NECAB1: variants seen among roughly 807,000 people sequenced by gnomAD.
NECAB1 encodes the protein N-terminal EF-hand calcium-binding protein 1.
NECAB1 carries 29 observed loss-of-function variants against 57.5 expected under a neutral mutation model. The observed-to-expected ratio is 0.50, with a 90% CI of 0.38 to 0.69. NECAB1 has a LOEUF of 0.69. NECAB1 is among the 30% of genes least tolerant of loss of function. NECAB1 has a pLI of 0.00. For synonymous variants in NECAB1, 142 were observed against 147.7 expected, an observed-to-expected ratio of 0.96 and a Z score of 0.28; for missense variants, 372 against 413.8, an observed-to-expected ratio of 0.90 and a Z score of 0.88.
In NECAB1 at chr8:90,896,814, C is replaced by T. The variant is rs147468574; in HGVS notation, c.357+15684C>T. 4.7e-3 allele frequency among the ~76,000 whole-genome samples: 719 copies of T among 152,242 alleles called. 10 individuals are homozygous for T. Among genetic ancestry groups the T allele is most frequent in the African/African-American group, 0.016 (681 of 41,550 alleles). On this transcript the variant is annotated intron_variant, in intron 5 of 12. Coordinates refer to ENST00000417640, the MANE Select transcript of NECAB1 (RefSeq NM_022351.5). ...CACTCTAACTCATTCGGATCACCTG[C>T]TCCACCCTAACTCATTCTGATTACC...
intron 9 of NECAB1, among the ~76,000 whole-genome samples, chr8:90,936,237 A>C (rs1012314304): frequency 6.6e-6 from 1 of 152,158 alleles, no homozygotes; most frequent in East Asian, 1.9e-4. Context: ...GAATTTATTG[A>C]GTAGAGAGGT....
At chr8:90,874,723 C>G (rs545881758) in intron 4 of NECAB1, among the ~76,000 whole-genome samples, 78 of 152,192 alleles carry the variant, frequency 5.1e-4, no homozygotes, top group African/African-American at 1.8e-3. Context: ...AATGGATTTT[C>G]AATTTGAATC....
chr8:90,836,423 G>A (rs1812371696), intron 3 of NECAB1, among the ~76,000 whole-genome samples: 2 of 152,142 alleles, frequency 1.3e-5, no homozygotes, highest in African/African-American at 4.8e-5. Flanking sequence ...TCACTAATGG[G>A]TTTAATAGTT....
intron 5 of NECAB1, among the ~76,000 whole-genome samples, chr8:90,898,818 T>C (rs1460513178): frequency 6.6e-6 from 1 of 152,244 alleles, no homozygotes; most frequent in African/African-American, 2.4e-5. Context: ...CACAATCTAC[T>C]TTCCTCAGCT....
intron 5 of NECAB1, among the ~76,000 whole-genome samples, chr8:90,914,543 C>A (rs1563531647): frequency 6.6e-6 from 1 of 152,132 alleles, no homozygotes; most frequent in Non-Finnish European, 1.5e-5. Context: ...CCACCCACCA[C>A]CCCTCTCAAT....
intron 5 of NECAB1, among the ~76,000 whole-genome samples, chr8:90,897,864 A>G (rs1383675280): frequency 6.6e-6 from 1 of 152,216 alleles, no homozygotes; most frequent in African/African-American, 2.4e-5. Flanking sequence ...TTAATTTACT[A>G]AAAGAAATCA....
chr8:90,864,128 C>T (rs1014401783), intron 3 of NECAB1, among the ~76,000 whole-genome samples: 3 of 151,500 alleles, frequency 2.0e-5, no homozygotes, highest in African/African-American at 4.8e-5. Context: ...TTATACTTTT[C>T]GAAAAAATGT....
rs1554575432 is a variant in NECAB1, at chr8:90,917,870, A to ATATATATATGTG, written c.494+243_494+244insATATATATGTGT. Among the ~76,000 whole-genome samples, 418 of 64,236 alleles carry ATATATATATGTG rather than the reference A, an allele frequency of 6.5e-3. 9 individuals are homozygous for ATATATATATGTG. Among genetic ancestry groups the ATATATATATGTG allele is most frequent in the African/African-American group, 0.029 (278 of 9,506 alleles). The allele number at this position is 64,236 out of a possible 152,430, so 42.1% of individuals were successfully genotyped here. A position where few individuals can be genotyped will look rare whatever the true frequency, so the allele number is the denominator to read the frequency against. On this transcript the variant is annotated intron_variant, in intron 6 of 12. Coordinates refer to ENST00000417640, the MANE Select transcript of NECAB1 (RefSeq NM_022351.5). Reference sequence around the variant, plus strand: ...TATATATATATATATATATATATATATGTGTGTGTGTGCGTGTATATATAT... The same window carrying ATATATATATGTG: ...TATATATATATATATATATATATATATATATATATGTGTGTGTGTGTGTGCGTGTATATATAT...
rs1162990061 is a variant in NECAB1 at position 90,957,875 on chromosome 8, A to G, written c.*2363A>G. 6.6e-6 allele frequency: 1 copy of G among 151,132 alleles called. No individual in the cohort carries two copies. The highest frequency in any genetic ancestry group is 2.4e-5 in the African/African-American group (1 of 41,372). 9.4% of individuals were successfully genotyped at this position (151,132 alleles called of 1,614,324 possible). A position where few individuals can be genotyped will look rare whatever the true frequency, so the allele number is the denominator to read the frequency against. On this transcript the variant is annotated 3_prime_UTR_variant, in exon 13 of 13. Coordinates refer to ENST00000417640, the MANE Select transcript of NECAB1 (RefSeq NM_022351.5). ...TAAAAAATAAAAAAAAGAGGTCACT[A>G]AAAGACCAAGATGGGAAACGTAACA...
At chr8:90,883,541 T>C (rs1292059899) in intron 5 of NECAB1, among the ~76,000 whole-genome samples, 1 of 152,210 alleles carries the variant, frequency 6.6e-6, no homozygotes, top group African/African-American at 2.4e-5. Context: ...TGGCAGTACC[T>C]CTGTTTGCAG....
In NECAB1 at chr8:90,959,260, C is replaced by T. The variant is rs186806366; in HGVS notation, c.*3748C>T. 1.3e-3 allele frequency: 335 copies of T among 259,820 alleles called. No homozygotes were observed. Among genetic ancestry groups the T allele is most frequent in the Non-Finnish European group, 2.1e-3 (288 of 138,642 alleles). The allele number at this position is 259,820 out of a possible 1,614,324, so 16.1% of individuals were successfully genotyped here. On this transcript the variant is annotated 3_prime_UTR_variant, in exon 13 of 13. Transcript: ENST00000417640. Reference sequence around the variant, plus strand: ...TAAATTGTATTCCAAACCTGTTCTTCTGTTTCTGTGGCACCTAGGTTTAAA... The same window carrying T: ...TAAATTGTATTCCAAACCTGTTCTTTTGTTTCTGTGGCACCTAGGTTTAAA...
intron 5 of NECAB1, among the ~76,000 whole-genome samples, chr8:90,894,615 A>G (rs1809277916): frequency 6.6e-6 from 1 of 152,220 alleles, no homozygotes; most frequent in South Asian, 2.1e-4. Flanking sequence ...CATAATAGTC[A>G]TGGGACTAGT....
chr8:90,955,234 A>G (rs1473368945), intron 12 of NECAB1, among the ~76,000 whole-genome samples: 2 of 148,982 alleles, frequency 1.3e-5, no homozygotes, highest in Non-Finnish European at 3.0e-5. Context: ...ACTTGTTGCC[A>G]AAACAAGTTC....
Position 90,925,618 on chromosome 8 carries a change from T to A in NECAB1, c.578T>A (p.Phe193Tyr), listed in dbSNP as rs1177643050. The A allele has an allele frequency of 6.2e-7, 1 of 1,613,828 alleles. No homozygotes were observed. The highest frequency in any genetic ancestry group is 8.5e-7 in the Non-Finnish European group (1 of 1,179,838). The stretch of plus-strand genomic sequence containing the variant: ...CGCCGAGTCCAGAGACACAACAGCT[T>A]CTCCCCAAACAGCCCTCAGTTTAAT... ...SSRRVQRHNS[F>Y]SPNSPQFNVS... The change falls in exon 7 of 13, where the codon TTC (phenylalanine) becomes TAC (tyrosine). Residue 193 changes from phenylalanine to tyrosine, a missense_variant. Coordinates refer to ENST00000417640, the MANE Select transcript of NECAB1 (RefSeq NM_022351.5).
At chr8:90,922,132 G>A (rs1761755262) in intron 6 of NECAB1, among the ~76,000 whole-genome samples, 1 of 152,216 alleles carries the variant, frequency 6.6e-6, no homozygotes, top group African/African-American at 2.4e-5. Flanking sequence ...ATGTTATATG[G>A]AAGTTTCCCC....
At chr8:90,915,868 C>G (rs1039317706) in intron 5 of NECAB1, among the ~76,000 whole-genome samples, 1 of 152,200 alleles carries the variant, frequency 6.6e-6, no homozygotes, top group Non-Finnish European at 1.5e-5. Flanking sequence ...TATTTGAGGG[C>G]AGAAAGCATC....
At chr8:90,916,208 T>C (rs547837694) in intron 5 of NECAB1, among the ~76,000 whole-genome samples, 1 of 152,382 alleles carries the variant, frequency 6.6e-6, no homozygotes, top group East Asian at 1.9e-4. Context: ...CTTTTTACTA[T>C]TTCAAATTGA....
At chr8:90,811,766 T>TAAG (rs377509620) in intron 2 of NECAB1, among the ~76,000 whole-genome samples, 20 of 152,186 alleles carry the variant, frequency 1.3e-4, no homozygotes, top group African/African-American at 4.6e-4. Context: ...GGTGGTGAGA[T>TAAG]AGTACCTAGA....
At chr8:90,861,390 C>T (rs1812898580) in intron 3 of NECAB1, among the ~76,000 whole-genome samples, 1 of 152,126 alleles carries the variant, frequency 6.6e-6, no homozygotes, top group African/African-American at 2.4e-5. Context: ...TGACATAGGG[C>T]AAGATATAAA....
Sources: gnomAD v4.1 joint callset for allele counts (sites outside exome capture counted in the v4.1 genomes callset) on GRCh38, gnomAD v4.1.1 for gene constraint, MANE v1.5 for transcripts, NCBI Gene and HGNC (gene_info 2026-07-23, HGNC 2026-07-21) for gene names.